DNAH10: variants seen among roughly 807,000 people sequenced by gnomAD.
DNAH10 encodes axonemal beta dynein heavy chain 10.
DNAH10 carries 348 observed loss-of-function variants against 506.6 expected under a neutral mutation model. The ratio of observed to expected loss-of-function variants is 0.69; its 90% CI spans 0.63 to 0.75. DNAH10 has a LOEUF of 0.75. DNAH10 is among the 30% of genes least tolerant of loss of function. The probability of loss-of-function intolerance (pLI) is 0.00; values close to 1 mark genes in which losing one functional copy is unlikely to be tolerated. For synonymous variants in DNAH10, 2,059 were observed against 2,198.6 expected (o/e 0.94, Z 1.78); for missense variants, 5,179 against 5,787.1 (o/e 0.89, Z 3.41).
In DNAH10 at chr12:123,917,712, G is replaced by T. The variant is rs1465904873; in HGVS notation, c.11131G>T (p.Glu3711Ter). ...SENKNLLKDL[E>*]DSLLRELATS... ...GAACAAGAACCTGCTCAAGGACCTGGAAGATTCCCTCCTTCGGGAGCTGGC... is the reference window on the plus strand; with the variant it reads ...GAACAAGAACCTGCTCAAGGACCTGTAAGATTCCCTCCTTCGGGAGCTGGC... Residue 3711 changes from glutamate to a stop codon, truncating the protein, a stop_gained, in exon 64 of 79, where the codon GAA becomes TAA. Coordinates refer to ENST00000673944, the MANE Select transcript of DNAH10 (RefSeq NM_001372106.1). LOFTEE classifies it high-confidence loss of function. The surrounding 1 kb of genome is among the most constrained non-coding windows in gnomAD (Gnocchi z 5.6). 4 of 1,562,238 alleles carry T rather than the reference G, an allele frequency of 2.6e-6. No homozygotes were observed. The highest frequency in any genetic ancestry group is 3.5e-6 in the Non-Finnish European group (4 of 1,153,540).
chr12:123,898,723 C>A lies in DNAH10; in HGVS notation c.9549C>A (p.Asn3183Lys), dbSNP rs761758105. 3.7e-6 allele frequency: 6 copies of A among 1,608,210 alleles called. No individual in the cohort carries two copies. Among genetic ancestry groups the A allele is most frequent in the Non-Finnish European group, 5.1e-6 (6 of 1,177,604 alleles). Residue 3183 changes from asparagine to lysine, a missense_variant, in exon 56 of 79, where the codon AAC becomes AAA. Asn to Lys is a moderately conservative substitution (Grantham distance 94). Coordinates refer to ENST00000673944, the MANE Select transcript of DNAH10 (RefSeq NM_001372106.1). The stretch of plus-strand genomic sequence containing the variant: ...CCACCATCCAGCTGGACGAGCTGAA[C>A]CAGAAGCTGGCCGAGCAGAAGATCG... ...KEATIQLDEL[N>K]QKLAEQKIVL...
At chr12:123,867,815 G>A in intron 42 of DNAH10, 88 bp from the exon 43 acceptor site, 1 of 1,418,610 alleles carries the variant, frequency 7.0e-7, no homozygotes, top group Non-Finnish European at 9.7e-7. Flanking sequence ...CCATCGCTCT[G>A]GGACCTGGGA....
At chr12:123,825,963 A>G (rs76125419) in intron 24 of DNAH10, among the ~76,000 whole-genome samples, 6,737 of 152,040 alleles carry the variant, frequency 0.044, 191 homozygotes, top group Non-Finnish European at 0.063. Context: ...TCTCTGCAAA[A>G]TAAAATAAAA....
intron 4 of DNAH10, among the ~76,000 whole-genome samples, 187 bp from the exon 5 acceptor site, chr12:123,773,962 T>C (rs967594693): frequency 4.6e-5 from 7 of 152,248 alleles, no homozygotes; most frequent in African/African-American, 1.4e-4. Flanking sequence ...AGTGCATTGG[T>C]ATCCATTTCA....
Position 123,914,876 on chromosome 12 carries a change from CG to C in DNAH10, c.10600del (p.Asp3534MetfsTer54). Reference sequence around the variant, plus strand: ...GATGGGGATCCCAGGGCCTTCCCCCCGATGAGCTCTCCGTTCAGAATGGCAT... The same window carrying C: ...GATGGGGATCCCAGGGCCTTCCCCCCATGAGCTCTCCGTTCAGAATGGCAT... ...SRWGSQGLPP[D>X]ELSVQNGILT... On this transcript the variant is annotated frameshift_variant, in exon 62 of 79. Transcript: ENST00000673944. LOFTEE classifies it high-confidence loss of function. 2 of 1,613,630 alleles carry C rather than the reference CG, an allele frequency of 1.2e-6. No homozygotes were observed. Among genetic ancestry groups the C allele is most frequent in the Non-Finnish European group, 1.7e-6 (2 of 1,179,828 alleles).
intron 13 of DNAH10, among the ~76,000 whole-genome samples, chr12:123,798,728 T>C (rs1958370242): frequency 6.7e-6 from 1 of 148,260 alleles, no homozygotes; most frequent in Non-Finnish European, 1.5e-5. Flanking sequence ...ATATTATTTA[T>C]TATATTAACA....
intron 5 of DNAH10, among the ~76,000 whole-genome samples, chr12:123,776,146 A>G (rs1378533502): frequency 3.3e-5 from 5 of 152,158 alleles, no homozygotes; most frequent in African/African-American, 1.2e-4. Flanking sequence ...ACAATTAAAG[A>G]TGAGATTTGG....
intron 19 of DNAH10, among the ~76,000 whole-genome samples, chr12:123,811,696 G>A (rs761020474): frequency 6.6e-6 from 1 of 151,996 alleles, no homozygotes; most frequent in Non-Finnish European, 1.5e-5. Flanking sequence ...GTGGAGTTGG[G>A]GTTTCACCAT....
In DNAH10 at chr12:123,804,321, C is replaced by T. The variant is rs766729580; in HGVS notation, c.2779+496C>T. On this transcript the variant is annotated intron_variant, in intron 17 of 78. Coordinates refer to ENST00000673944, the MANE Select transcript of DNAH10 (RefSeq NM_001372106.1). The stretch of plus-strand genomic sequence containing the variant: ...CAGGCAGATCACAAGGTCAGGAAAT[C>T]GAGACCATCCTGGCTAACACGGTGA... Among the ~76,000 whole-genome samples, 68 of 152,018 alleles carry T rather than the reference C, an allele frequency of 4.5e-4. 1 individual carries two copies. Among genetic ancestry groups the T allele is most frequent in the Non-Finnish European group, 6.9e-4 (47 of 67,964 alleles).
intron 5 of DNAH10, among the ~76,000 whole-genome samples, chr12:123,779,604 G>GGAGAGAGAGA (rs33916907): frequency 2.0e-5 from 3 of 149,594 alleles, no homozygotes; most frequent in African/African-American, 7.4e-5. Flanking sequence ...TGGGGGTGGG[G>GGAGAGAGAGA]GAGAGAGAGA....
intron 35 of DNAH10, among the ~76,000 whole-genome samples, chr12:123,852,895 G>A (rs1327380712): frequency 6.6e-6 from 1 of 152,126 alleles, no homozygotes; most frequent in Non-Finnish European, 1.5e-5. Context: ...TTAATAATAG[G>A]TTTAGGTCAA....
rs778718921 is a variant in DNAH10, at chr12:123,848,754, C to T, written c.5974C>T (p.Leu1992=). 1.2e-5 allele frequency: 19 copies of T among 1,613,982 alleles called. No individual in the cohort carries two copies. In the South Asian group the frequency reaches 2.1e-4, roughly 18 times the overall value. The change falls in exon 34 of 79, where the codon CTG becomes TTG. Residue 1992 remains leucine (L), a synonymous_variant. Transcript: ENST00000673944. ...GGCCGTGGGGAAGATTTTCTCTGGC[C>T]TGGCACAGTGCGGGGCTTGGGGCTG... ...YRAVGKIFSG[L]AQCGAWGCFD... is the part of the protein sequence containing the mutation.
At chr12:123,851,368 A>AGACTGGGGACCTAGGATGTGTCAGCTCCG (rs1951168373) in intron 35 of DNAH10, among the ~76,000 whole-genome samples, 5 of 141,274 alleles carry the variant, frequency 3.5e-5, no homozygotes, top group African/African-American at 1.1e-4. Flanking sequence ...TGTCAGCTCC[A>AGACTGGGGACCTAGGATGTGTCAGCTCCG]TGTGGCTCTT....
intron 18 of DNAH10, among the ~76,000 whole-genome samples, chr12:123,806,982 A>T (rs900449089): frequency 6.6e-6 from 1 of 152,078 alleles, no homozygotes; most frequent in South Asian, 2.1e-4. Context: ...GTTAGCCAGG[A>T]TGGTTTCAAT....
At chr12:123,789,246 A>G (rs922658734) in intron 10 of DNAH10, among the ~76,000 whole-genome samples, 1 of 151,378 alleles carries the variant, frequency 6.6e-6, no homozygotes. Flanking sequence ...CTCTGTCCCA[A>G]AACAAAAACA....
At chr12:123,847,275 CATCCT>C (rs1950995779) in intron 32 of DNAH10, among the ~76,000 whole-genome samples, 1 of 150,024 alleles carries the variant, frequency 6.7e-6, no homozygotes, top group African/African-American at 2.5e-5. Context: ...TCCATCCATC[CATCCT>C]GTCTATTTAT....
chr12:123,784,497 A>C (rs1014195100), intron 8 of DNAH10, among the ~76,000 whole-genome samples: 3 of 152,198 alleles, frequency 2.0e-5, no homozygotes, highest in Admixed American at 6.5e-5. Flanking sequence ...CAGTGAGCCA[A>C]GATTGCGCCA....
chr12:123,890,056 CA>C (rs1480035195), intron 52 of DNAH10, among the ~76,000 whole-genome samples: 2 of 152,190 alleles, frequency 1.3e-5, no homozygotes, highest in Admixed American at 1.3e-4. Context: ...GTCACATCCA[CA>C]GAGTCCTTTT....
intron 33 of DNAH10, 24 bp downstream of exon 33, chr12:123,848,119 G>A: frequency 1.9e-6 from 3 of 1,601,310 alleles, no homozygotes; most frequent in Non-Finnish European, 2.6e-6. Context: ...GTCACCTTTG[G>A]TACTGGCTCA....
Sources: allele counts gnomAD v4.1 joint callset (sites outside exome capture counted in the v4.1 genomes callset), GRCh38; gene constraint gnomAD v4.1.1; non-coding constraint Gnocchi (gnomAD v3.1); transcripts MANE v1.5; gene names NCBI Gene and HGNC (gene_info 2026-07-23, HGNC 2026-07-21).